The following CCND3 variants were observed in gnomAD, a reference collection of about 807,000 sequenced individuals.
CCND3 encodes G1/S-specific cyclin-D3.
Under a neutral mutation model 28.7 loss-of-function variants are expected in CCND3, and 9 were observed. That is an observed-to-expected ratio of 0.31 (90% CI 0.19 to 0.55). CCND3 has a LOEUF of 0.55. Among genes scored for constraint, CCND3 ranks in the 20% least tolerant of loss-of-function variants. The probability of loss-of-function intolerance (pLI) is 0.93; values close to 1 mark genes in which losing one functional copy is unlikely to be tolerated. For missense variants in CCND3, 315 were observed against 385.8 expected (o/e 0.82, Z 1.54); for synonymous variants, 164 against 163.9 (o/e 1.00, Z 0.00).
Position 41,940,756 on chromosome 6 carries a change from G to A in CCND3, c.199-171C>T. 8 of 755,054 alleles carry A rather than the reference G, an allele frequency of 1.1e-5. 1 individual carries two copies. In the South Asian group the frequency reaches 1.2e-4, roughly 12 times the overall value. 46.8% of individuals were successfully genotyped at this position (755,054 alleles called of 1,614,324 possible). A position where few individuals can be genotyped will look rare whatever the true frequency, so the allele number is the denominator to read the frequency against. ...GAGGATGCGCCCTCCCCAAGGTGAC[G>A]CCCCCCACTTCCTCTGCGCGGCCTC... On this transcript the variant is annotated intron_variant, in intron 1 of 4. Coordinates refer to ENST00000372991, the MANE Select transcript of CCND3 (RefSeq NM_001760.5).
At position 41,935,674 on chromosome 6, in the gene CCND3, C is replaced by A. The variant is rs1775755997; in HGVS notation, c.*266G>T. On this transcript the variant is annotated 3_prime_UTR_variant, in exon 5 of 5. Transcript: ENST00000372991. ...ATGTATCCAATTCTGTCCCATCAGCCTGGCCCACCCCCAGCTAGAGTTGGG... is the reference window on the plus strand; with the variant it reads ...ATGTATCCAATTCTGTCCCATCAGCATGGCCCACCCCCAGCTAGAGTTGGG... 3.7e-6 allele frequency: 2 copies of A among 543,596 alleles called. No individual in the cohort carries two copies. The highest frequency in any genetic ancestry group is 6.6e-6 in the Non-Finnish European group (2 of 302,004). The allele number at this position is 543,596 out of a possible 1,614,324, so 33.7% of individuals were successfully genotyped here. A position where few individuals can be genotyped will look rare whatever the true frequency, so the allele number is the denominator to read the frequency against.
intron 1 of CCND3, among the ~76,000 whole-genome samples, chr6:41,951,242 G>C (rs983136439): frequency 6.6e-6 from 1 of 151,674 alleles, no homozygotes; most frequent in Non-Finnish European, 1.5e-5. Flanking sequence ...AAAGAAATGG[G>C]ATTGCAGGAG....
chr6:42,036,700 G>A (rs1764231428), intron 1 of CCND3, among the ~76,000 whole-genome samples: 1 of 151,600 alleles, frequency 6.6e-6, no homozygotes, highest in Admixed American at 6.6e-5. Flanking sequence ...CACTGTGCCT[G>A]GCCAGTCCTC....
At chr6:42,020,104 C>T (rs1763655051) in intron 1 of CCND3, among the ~76,000 whole-genome samples, 1 of 152,012 alleles carries the variant, frequency 6.6e-6, no homozygotes, top group African/African-American at 2.4e-5. Flanking sequence ...AGGTGAAATC[C>T]CGTCTCTACT....
chr6:41,976,071 G>T (rs541773391), intron 1 of CCND3, among the ~76,000 whole-genome samples: 2 of 152,222 alleles, frequency 1.3e-5, no homozygotes, highest in East Asian at 3.9e-4. Flanking sequence ...GCTGGGTCTG[G>T]CCGGGCGCTG....
intron 1 of CCND3, among the ~76,000 whole-genome samples, chr6:41,958,227 C>T (rs1237087864): frequency 6.6e-6 from 1 of 152,018 alleles, no homozygotes. Context: ...GAACTCCTGA[C>T]TCCAAGTGAT....
chr6:41,937,722 C>T (rs1382483465), intron 2 of CCND3: 3 of 329,462 alleles, frequency 9.1e-6, no homozygotes, highest in African/African-American at 6.3e-5. Flanking sequence ...GAGGATTTCT[C>T]CAGCCAGGGC....
chr6:42,004,774 A>G (rs1763130414), intron 1 of CCND3, among the ~76,000 whole-genome samples: 1 of 152,170 alleles, frequency 6.6e-6, no homozygotes, highest in African/African-American at 2.4e-5. Context: ...TTATTATCCA[A>G]ACCAGTATAT....
At chr6:42,035,304 A>C (rs924977656) in intron 1 of CCND3, among the ~76,000 whole-genome samples, 1 of 152,148 alleles carries the variant, frequency 6.6e-6, no homozygotes, top group African/African-American at 2.4e-5. Flanking sequence ...TCTACTTTCA[A>C]AATAGTTTCC....
chr6:42,009,484 T>G (rs1385940754), intron 1 of CCND3, among the ~76,000 whole-genome samples: 2 of 152,102 alleles, frequency 1.3e-5, no homozygotes, highest in Non-Finnish European at 2.9e-5. Flanking sequence ...TGGTGGCGGA[T>G]GCCTGTAATC....
At chr6:41,989,236 AT>A (rs1762582238) in intron 1 of CCND3, among the ~76,000 whole-genome samples, 1 of 152,140 alleles carries the variant, frequency 6.6e-6, no homozygotes, top group African/African-American at 2.4e-5. Flanking sequence ...AGGCGGGTGG[AT>A]CACCTGAGGT....
chr6:42,004,121 A>C (rs1763111915), intron 1 of CCND3, among the ~76,000 whole-genome samples: 1 of 145,632 alleles, frequency 6.9e-6, no homozygotes, highest in Non-Finnish European at 1.5e-5. Flanking sequence ...CCTGAGACAG[A>C]GTCTCACTAT....
chr6:42,044,783 T>TTTA (rs144260165), intron 1 of CCND3, among the ~76,000 whole-genome samples: 2 of 143,032 alleles, frequency 1.4e-5, no homozygotes, highest in Admixed American at 7.0e-5. Context: ...CTTTCTTTCC[T>TTTA]TTTATTTATT....
chr6:41,993,717 G>A (rs1762720593), intron 1 of CCND3, among the ~76,000 whole-genome samples: 2 of 151,626 alleles, frequency 1.3e-5, no homozygotes, highest in Non-Finnish European at 2.9e-5. Context: ...GAGGTCAGGA[G>A]TTTGAGACCA....
At chr6:42,000,279 G>A (rs1762959864) in intron 1 of CCND3, among the ~76,000 whole-genome samples, 1 of 80,460 alleles carries the variant, frequency 1.2e-5, no homozygotes, top group Admixed American at 2.0e-4. Context: ...AGTCTCTGTC[G>A]CCCAGGTTGG....
chr6:41,997,064 C>A (rs1762830729), intron 1 of CCND3, among the ~76,000 whole-genome samples: 1 of 152,178 alleles, frequency 6.6e-6, no homozygotes, highest in African/African-American at 2.4e-5. Flanking sequence ...TGCCAGTATC[C>A]CTGTCTGTCC....
At chr6:42,036,306 T>TTATATATATATATATATATA (rs566638387) in intron 1 of CCND3, among the ~76,000 whole-genome samples, 46 of 130,656 alleles carry the variant, frequency 3.5e-4, no homozygotes, top group African/African-American at 7.9e-4. Context: ...AAATTATTAT[T>TTATATATATATATATATATA]TATATATATA....
upstream of CCND3, chr6:41,941,812 C>T (rs560692020): frequency 2.1e-4 from 65 of 316,900 alleles, no homozygotes; most frequent in East Asian, 3.3e-3. The surrounding 1 kb of genome is among the most constrained non-coding windows in gnomAD (Gnocchi z 6.1). Flanking sequence ...CCCTGACAGG[C>T]GCCCCGCCCC....
rs1052542397 is a variant in CCND3 at position 41,936,564 on chromosome 6, C to A, written c.706G>T (p.Glu236Ter). ...CCCAGCTACCCAGCACTCACCACTT[C>A]AGTGCCAGTGATCCCTGCCAGCAGC... ...TELLAGITGT[E>*]VDCLRACQEQ... The change falls in exon 4 of 5, where the codon GAA becomes TAA. Residue 236 changes from glutamate (E) to a stop codon, truncating the protein, a stop_gained. Coordinates refer to ENST00000372991, the MANE Select transcript of CCND3 (RefSeq NM_001760.5). LOFTEE classifies it high-confidence loss of function. This position sits in a 1 kb window ranked among gnomAD's most constrained non-coding sequence, Gnocchi z 4.4. The A allele has an allele frequency of 2.5e-6, 4 of 1,614,022 alleles. No individual in the cohort carries two copies. Among genetic ancestry groups the A allele is most frequent in the Non-Finnish European group, 3.4e-6 (4 of 1,180,006 alleles).
Sources: gnomAD v4.1 joint callset for allele counts (sites outside exome capture counted in the v4.1 genomes callset) on GRCh38, gnomAD v4.1.1 for gene constraint, Gnocchi (gnomAD v3.1) non-coding constraint, MANE v1.5 for transcripts, NCBI Gene and HGNC (gene_info 2026-07-23, HGNC 2026-07-21) for gene names.